RREB1: variants seen among roughly 807,000 people sequenced by gnomAD.
The protein encoded by RREB1 is ras-responsive element-binding protein 1.
A neutral mutation model predicts 117.8 loss-of-function variants in RREB1; 27 were observed. That is an observed-to-expected ratio of 0.23 (90% CI 0.17 to 0.32). The LOEUF is 0.32. Ranked by LOEUF, RREB1 falls within the 10% of genes least tolerant of loss-of-function variation. The pLI is 1.00. For synonymous variants in RREB1, 1,298 were observed against 1,026.7 expected, an observed-to-expected ratio of 1.26 and a Z score of -5.05; for missense variants, 2,577 against 2,378.2, an observed-to-expected ratio of 1.08 and a Z score of -1.74.
At chr6:7,146,038 C>T (rs565229586) in intron 1 of RREB1, among the ~76,000 whole-genome samples, 8 of 152,044 alleles carry the variant, frequency 5.3e-5, no homozygotes, top group Middle Eastern at 3.4e-3. Context: ...TCCTGCTCTG[C>T]GCACCGTCTC....
chr6:7,191,426 G>T (rs1387547415), intron 6 of RREB1, among the ~76,000 whole-genome samples: 1 of 152,158 alleles, frequency 6.6e-6, no homozygotes, highest in Non-Finnish European at 1.5e-5. Flanking sequence ...AGCTGCTGTT[G>T]ACATTGTTGT....
intron 6 of RREB1, among the ~76,000 whole-genome samples, chr6:7,200,959 G>A (rs1479330132): frequency 6.6e-6 from 1 of 152,204 alleles, no homozygotes; most frequent in Non-Finnish European, 1.5e-5. Context: ...ATCTTGTTGA[G>A]GTATTTCAGC....
At chr6:7,178,250 AT>A (rs1764607807) in intron 2 of RREB1, among the ~76,000 whole-genome samples, 1 of 152,198 alleles carries the variant, frequency 6.6e-6, no homozygotes, top group South Asian at 2.1e-4. Flanking sequence ...AAAGTCTAGG[AT>A]TGTAAATATC....
chr6:7,239,172 A>G (rs17672741), intron 10 of RREB1, among the ~76,000 whole-genome samples: 17,079 of 152,222 alleles, frequency 0.11, 1,370 homozygotes, highest in Non-Finnish European at 0.17. Context: ...GGCCCCTGTG[A>G]TCTGTGTTTC....
chr6:7,171,728 G>A (rs1167814914), intron 1 of RREB1, among the ~76,000 whole-genome samples: 3 of 152,152 alleles, frequency 2.0e-5, no homozygotes, highest in Non-Finnish European at 4.4e-5. Context: ...AGGTGAGTGT[G>A]TCCTGGAATT....
chr6:7,196,218 GTTTTTTTTTTTTGTTT>G, intron 6 of RREB1, among the ~76,000 whole-genome samples: 1 of 121,480 alleles, frequency 8.2e-6, no homozygotes, highest in South Asian at 2.6e-4. Flanking sequence ...TTTTTTTTTC[GTTTTTTTTTTTTGTTT>G]TTTTTTTTTT....
chr6:7,248,946 C>T lies in RREB1; in HGVS notation c.5207C>T (p.Ser1736Phe), dbSNP rs776918578. ...ATCCTGGCCACAGCTGATGGCGCCT[C>T]CCAGCTCGTGGGGATGGAGTGACAG... ...HPILATADGA[S>F]QLVGME The change falls in exon 13 of 13, where the codon TCC becomes TTC. Residue 1736 changes from serine (S) to phenylalanine (F), a missense_variant. Coordinates refer to ENST00000379938, the MANE Select transcript of RREB1 (RefSeq NM_001003699.4). 4 of 1,494,304 alleles carry T rather than the reference C, an allele frequency of 2.7e-6. No homozygotes were observed. The highest frequency in any genetic ancestry group is 3.6e-6 in the Non-Finnish European group (4 of 1,124,488). The allele number at this position is 1,494,304 out of a possible 1,614,324, so 92.6% of individuals were successfully genotyped here.
At chr6:7,221,218 G>A (rs1191458035) in intron 8 of RREB1, among the ~76,000 whole-genome samples, 1 of 151,936 alleles carries the variant, frequency 6.6e-6, no homozygotes, top group Non-Finnish European at 1.5e-5. Flanking sequence ...CCGGACTGCG[G>A]ACTGCAGTGG....
intron 4 of RREB1, chr6:7,184,580 A>T (rs59521930): frequency 0.056 from 8,522 of 151,872 alleles, 810 homozygotes; most frequent in African/African-American, 0.19. Flanking sequence ...AAAAGATTAC[A>T]TCTGGGTCTG....
At chr6:7,108,478 C>CGCGCCGCCGAGTTTATTTTTAACCA (rs1434824352) in intron 1 of RREB1, among the ~76,000 whole-genome samples, 2 of 151,986 alleles carry the variant, frequency 1.3e-5, no homozygotes, top group Non-Finnish European at 2.9e-5. Context: ...CGGCCCGACC[C>CGCGCCGCCGAGTTTATTTTTAACCA]GCGCCGCCGA....
Position 7,230,299 on chromosome 6 carries a change from A to G in RREB1, c.2200A>G (p.Ile734Val). ...KATRKDIEKNIEYVSSSAAEL... is the reference protein window; with the variant it reads ...KATRKDIEKNVEYVSSSAAEL... ...CACCCGCAAGGATATCGAGAAGAAC[A>G]TCGAGTATGTGAGTAGCAGCGCGGC... The change falls in exon 10 of 13, where the codon ATC (isoleucine) becomes GTC (valine). Residue 734 changes from isoleucine (I) to valine (V), a missense_variant. Ile to Val is a conservative substitution (Grantham distance 29). Transcript: ENST00000379938. The G allele has an allele frequency of 6.3e-7, 1 of 1,593,318 alleles. No homozygotes were observed. Among genetic ancestry groups the G allele is most frequent in the Non-Finnish European group, 8.5e-7 (1 of 1,175,342 alleles).
intron 1 of RREB1, among the ~76,000 whole-genome samples, chr6:7,141,259 G>T (rs1227120314): frequency 6.6e-6 from 1 of 152,150 alleles, no homozygotes; most frequent in Admixed American, 6.5e-5. Context: ...CTCGGTGTTC[G>T]TTCGCGCTGG....
At chr6:7,107,926 TTGA>T (rs1561717448), upstream of RREB1, 1 of 152,284 alleles carries the variant, frequency 6.6e-6, no homozygotes, top group Non-Finnish European at 1.5e-5. Context: ...GACTGCGGAG[TTGA>T]TGAACTTTGC....
chr6:7,142,439 G>A (rs1034302463), intron 1 of RREB1, among the ~76,000 whole-genome samples: 1 of 152,224 alleles, frequency 6.6e-6, no homozygotes, highest in South Asian at 2.1e-4. Flanking sequence ...CCTCCAGGAC[G>A]CAGTTTCTCG....
At chr6:7,119,195 A>G (rs1761553813) in intron 1 of RREB1, among the ~76,000 whole-genome samples, 2 of 151,996 alleles carry the variant, frequency 1.3e-5, no homozygotes, top group African/African-American at 4.8e-5. Flanking sequence ...TACTAAAAAC[A>G]CAAAAATTAG....
chr6:7,226,920 C>T (rs1767616985), intron 9 of RREB1, among the ~76,000 whole-genome samples: 1 of 152,128 alleles, frequency 6.6e-6, no homozygotes, highest in African/African-American at 2.4e-5. Context: ...TGCCTTTTGT[C>T]CGTTCTTGGG....
chr6:7,153,246 T>TAA (rs1554118494), intron 1 of RREB1, among the ~76,000 whole-genome samples: 9 of 151,680 alleles, frequency 5.9e-5, no homozygotes, highest in East Asian at 1.9e-4. Flanking sequence ...TATTTTTTTT[T>TAA]AAAAAAAGTA....
chr6:7,208,840 A>G (rs1336882990), intron 6 of RREB1, among the ~76,000 whole-genome samples: 4 of 152,218 alleles, frequency 2.6e-5, no homozygotes, highest in African/African-American at 7.2e-5. Context: ...TATATCCTTA[A>G]GATTCCAGCT....
At chr6:7,156,002 A>C (rs1421971239) in intron 1 of RREB1, among the ~76,000 whole-genome samples, 1 of 152,182 alleles carries the variant, frequency 6.6e-6, no homozygotes, top group African/African-American at 2.4e-5. Context: ...TTCGGGTTTC[A>C]TGTTGGCTGG....
Sources: gnomAD v4.1 joint callset for allele counts (sites outside exome capture counted in the v4.1 genomes callset) on GRCh38, gnomAD v4.1.1 for gene constraint, MANE v1.5 for transcripts, NCBI Gene and HGNC (gene_info 2026-07-23, HGNC 2026-07-21) for gene names.